The following FAM120C variants were observed in gnomAD, a reference collection of about 807,000 sequenced individuals.
FAM120C encodes the protein family with sequence similarity 120 member C, also known as constitutive coactivator of PPAR-gamma-like protein 2.
A neutral mutation model predicts 71.2 loss-of-function variants in FAM120C; 14 were observed. That is an observed-to-expected ratio of 0.20 (90% CI 0.13 to 0.31). FAM120C has a LOEUF of 0.31. Among genes scored for constraint, FAM120C ranks in the 10% least tolerant of loss-of-function variants. The pLI is 1.00. For synonymous variants in FAM120C, 354 were observed against 353.2 expected (o/e 1.00, Z -0.03); for missense variants, 500 against 879.0 (o/e 0.57, Z 5.45).
rs372121095 is a variant in FAM120C, at chrX:54,134,084, G to T, written c.1617-38C>A. On this transcript the variant is annotated intron_variant, in intron 7 of 15. Transcript: ENST00000375180. Reference sequence around the variant, plus strand: ...GAAAGACAGTGTCAAACAGAAAAGGGAGATTGATAAAGATATTCCTACTTA... The same window carrying T: ...GAAAGACAGTGTCAAACAGAAAAGGTAGATTGATAAAGATATTCCTACTTA... 5.1e-6 allele frequency: 6 copies of T among 1,171,691 alleles called. No individual in the cohort carries two copies. The African/African-American group carries it at 8.8e-5, about 17-fold the overall frequency.
At chrX:54,172,059 C>T (rs992680472) in intron 1 of FAM120C, among the ~76,000 whole-genome samples, 1 of 112,517 alleles carries the variant, frequency 8.9e-6, no homozygotes, top group Non-Finnish European at 1.9e-5. Flanking sequence ...TTATCTCTTG[C>T]CAAATGAGTT....
rs2066717280 is a variant in FAM120C, at chrX:54,072,935, C to G, written c.*98G>C. 9.7e-7 allele frequency: 1 copy of G among 1,029,568 alleles called. No individual in the cohort carries two copies. The allele number at this position is 1,029,568 out of a possible 1,213,427, so 84.8% of individuals were successfully genotyped here. A position where few individuals can be genotyped will look rare whatever the true frequency, so the allele number is the denominator to read the frequency against. On this transcript the variant is annotated 3_prime_UTR_variant, in exon 16 of 16. Transcript: ENST00000375180. The stretch of plus-strand genomic sequence containing the variant: ...CATCCCACCAAAATCCTGGAGAAAT[C>G]TAGGGTAAGCATTTATATCCTCCTC...
At chrX:54,133,523 T>A (rs191066632) in intron 8 of FAM120C, among the ~76,000 whole-genome samples, 1 of 111,585 alleles carries the variant, frequency 9.0e-6, no homozygotes. Context: ...CCAGACCAAC[T>A]TGGTGCATTA....
intron 10 of FAM120C, among the ~76,000 whole-genome samples, chrX:54,093,538 T>C (rs782733906): frequency 9.0e-6 from 1 of 111,715 alleles, no homozygotes; most frequent in Non-Finnish European, 1.9e-5. Context: ...CTTAACAGAG[T>C]ACATGCCAGA....
chrX:54,109,193 T>C (rs2066922316), intron 10 of FAM120C, among the ~76,000 whole-genome samples: 1 of 43,669 alleles, frequency 2.3e-5, no homozygotes, highest in Admixed American at 3.4e-4. Flanking sequence ...CCCTTTACCA[T>C]ATGACCAGCA....
chrX:54,178,615 A>AAAGC (rs782349582), intron 1 of FAM120C, among the ~76,000 whole-genome samples: 19 of 112,150 alleles, frequency 1.7e-4, no homozygotes, highest in Non-Finnish European at 3.0e-4. Context: ...AGATATTTTA[A>AAAGC]AAGCTTTTAA....
At chrX:54,097,242 T>C (rs889028352) in intron 10 of FAM120C, among the ~76,000 whole-genome samples, 1 of 111,375 alleles carries the variant, frequency 9.0e-6, no homozygotes, top group Non-Finnish European at 1.9e-5. Flanking sequence ...TATGAGAGAG[T>C]GGGCAGTCTC....
At chrX:54,084,341 C>T (rs1345218366) in intron 13 of FAM120C, among the ~76,000 whole-genome samples, 1 of 111,950 alleles carries the variant, frequency 8.9e-6, no homozygotes, top group African/African-American at 3.2e-5. Context: ...GACTTTCACA[C>T]TGTTCATCTA....
At position 54,179,102 on chromosome X, in the gene FAM120C, T is replaced by C. The variant is rs1483933858; in HGVS notation, c.699+3398A>G. On this transcript the variant is annotated intron_variant, in intron 1 of 15. Coordinates refer to ENST00000375180, the MANE Select transcript of FAM120C (RefSeq NM_017848.6). ...AGGAAGCAATCAGGCAAGCAATTTGTGGGTTTACTTAATTTTCCTTCTACT... is the reference window on the plus strand; with the variant it reads ...AGGAAGCAATCAGGCAAGCAATTTGCGGGTTTACTTAATTTTCCTTCTACT... Among the ~76,000 whole-genome samples the C allele has an allele frequency of 3.6e-5, 4 of 112,051 alleles. No individual in the cohort carries two copies. In the Admixed American group the frequency reaches 3.8e-4, roughly 11 times the overall value.
Position 54,091,435 on chromosome X carries a change from T to C in FAM120C, c.2313-9A>G. On this transcript the variant is annotated splice_polypyrimidine_tract_variant and intron_variant, in intron 10 of 15. Transcript: ENST00000375180. Reference sequence around the variant, plus strand: ...GCCACTGAACCATGTACCTAGAAAATAAAAGCACTGTTATTAGGCCACAAA... The same window carrying C: ...GCCACTGAACCATGTACCTAGAAAACAAAAGCACTGTTATTAGGCCACAAA... 8.6e-7 allele frequency: 1 copy of C among 1,156,896 alleles called. No homozygotes were observed. The highest frequency in any genetic ancestry group is 3.0e-5 in the East Asian group (1 of 33,545).
chrX:54,125,108 C>A (rs1426877978), intron 9 of FAM120C, among the ~76,000 whole-genome samples: 5 of 108,936 alleles, frequency 4.6e-5, no homozygotes, highest in African/African-American at 1.7e-4. Flanking sequence ...CCAGTTGAGG[C>A]TGAGGCAGGA....
Position 54,183,226 on chromosome X carries a change from G to A in FAM120C, c.-28C>T. The A allele has an allele frequency of 1.9e-6, 2 of 1,048,862 alleles. No individual in the cohort carries two copies. Among genetic ancestry groups the A allele is most frequent in the Non-Finnish European group, 1.2e-6 (1 of 812,701 alleles). 86.4% of individuals were successfully genotyped at this position (1,048,862 alleles called of 1,213,427 possible). On this transcript the variant is annotated 5_prime_UTR_variant, in exon 1 of 16. Transcript: ENST00000375180. ...TTCGTCGGTGGGCAGACGCGATAGC[G>A]GCTGCGCAAGCAGGATAGGCGACGA...
At chrX:54,103,535 C>A (rs782556905) in intron 10 of FAM120C, among the ~76,000 whole-genome samples, 2 of 111,896 alleles carry the variant, frequency 1.8e-5, no homozygotes, top group South Asian at 7.4e-4. Flanking sequence ...GTTTTCTCCC[C>A]AAATACAAAT....
At chrX:54,160,247 CTAAGTT>C (rs782422446) in intron 1 of FAM120C, among the ~76,000 whole-genome samples, 58 of 111,234 alleles carry the variant, frequency 5.2e-4, no homozygotes, top group African/African-American at 1.7e-3. Context: ...ACACAGAAAT[CTAAGTT>C]TATCTAACTG....
At chrX:54,146,089 T>C (rs1172858686) in intron 4 of FAM120C, among the ~76,000 whole-genome samples, 1 of 108,281 alleles carries the variant, frequency 9.2e-6, no homozygotes, top group Non-Finnish European at 1.9e-5. Flanking sequence ...TTCTCACTAA[T>C]AGGTGGGAAT....
At chrX:54,094,122 G>A (rs1334109223) in intron 10 of FAM120C, among the ~76,000 whole-genome samples, 2 of 79,173 alleles carry the variant, frequency 2.5e-5, no homozygotes, top group South Asian at 8.5e-4. Flanking sequence ...ACGGAGTCTC[G>A]CTCTGTCGCC....
intron 11 of FAM120C, among the ~76,000 whole-genome samples, chrX:54,090,287 A>G (rs912468395): frequency 5.0e-4 from 54 of 107,542 alleles, no homozygotes; most frequent in African/African-American, 1.8e-3. Context: ...GCTGGAGTAC[A>G]ATGGTGCAAT....
intron 10 of FAM120C, among the ~76,000 whole-genome samples, chrX:54,103,018 T>G (rs1343041986): frequency 9.0e-6 from 1 of 111,094 alleles, no homozygotes; most frequent in African/African-American, 3.3e-5. Flanking sequence ...GTGCCCAGCC[T>G]GTATTTACAT....
chrX:54,130,661 C>T (rs782452246), intron 9 of FAM120C, among the ~76,000 whole-genome samples: 1 of 111,307 alleles, frequency 9.0e-6, no homozygotes, highest in Admixed American at 9.6e-5. Context: ...CCAGCAGGAG[C>T]AGGTAGGGGC....
Sources: gnomAD v4.1 joint callset for allele counts (sites outside exome capture counted in the v4.1 genomes callset) on GRCh38, gnomAD v4.1.1 for gene constraint, MANE v1.5 for transcripts, NCBI Gene and HGNC (gene_info 2026-07-23, HGNC 2026-07-21) for gene names.